The following BBS9 variants were observed in gnomAD, a reference collection of about 807,000 sequenced individuals.
BBS9 encodes protein PTHB1.
In BBS9, 89 loss-of-function variants were observed where a neutral mutation model predicts 117.7. That is an observed-to-expected ratio of 0.76 (90% CI 0.64 to 0.90). The LOEUF is 0.90. BBS9 is among the 40% of genes least tolerant of loss of function. The pLI is 0.00. For synonymous variants in BBS9, 379 were observed against 370.9 expected (o/e 1.02, Z -0.25); for missense variants, 982 against 1,042.2 (o/e 0.94, Z 0.80).
intron 1 of BBS9, among the ~76,000 whole-genome samples, chr7:33,146,025 G>A (rs1227162004): frequency 6.6e-6 from 1 of 152,212 alleles, no homozygotes; most frequent in African/African-American, 2.4e-5. Context: ...CAACATAAAT[G>A]TATAATTTCT....
At chr7:33,200,262 A>G (rs905537330) in intron 5 of BBS9, among the ~76,000 whole-genome samples, 1 of 152,062 alleles carries the variant, frequency 6.6e-6, no homozygotes, top group African/African-American at 2.4e-5. Flanking sequence ...TTGATTCTAC[A>G]TTTTATAAAA....
At chr7:33,501,677 G>A (rs963169266) in intron 19 of BBS9, among the ~76,000 whole-genome samples, 13 of 152,176 alleles carry the variant, frequency 8.5e-5, no homozygotes, top group African/African-American at 3.1e-4. Context: ...TGAGGAACGT[G>A]TGTAAAAGCA....
chr7:33,151,850 CTTTTTTTTTTTTTTT>C (rs11346140), intron 2 of BBS9, among the ~76,000 whole-genome samples: 1 of 82,352 alleles, frequency 1.2e-5, no homozygotes, highest in Non-Finnish European at 2.3e-5. Context: ...TGCACCCAGC[CTTTTTTTTTTTTTTT>C]TTTTTTTTCA....
At chr7:33,137,451 C>G (rs1469901637) in intron 1 of BBS9, among the ~76,000 whole-genome samples, 5 of 152,206 alleles carry the variant, frequency 3.3e-5, no homozygotes, top group Non-Finnish European at 7.3e-5. Flanking sequence ...GTTCCCAGCC[C>G]CCACTGGCTC....
At chr7:33,337,860 T>C (rs11982012) in intron 10 of BBS9, among the ~76,000 whole-genome samples, 40,530 of 152,058 alleles carry the variant, frequency 0.27, 5,637 homozygotes, top group Non-Finnish European at 0.3. Flanking sequence ...CAGAGTTCAT[T>C]AAATAATATG....
At chr7:33,364,539 A>G (rs1225024879) in intron 16 of BBS9, among the ~76,000 whole-genome samples, 2 of 151,428 alleles carry the variant, frequency 1.3e-5, no homozygotes, top group Non-Finnish European at 2.9e-5. Flanking sequence ...TGTATTTTCT[A>G]ATAATCTGAC....
At chr7:33,407,231 C>T (rs1425835106) in intron 19 of BBS9, among the ~76,000 whole-genome samples, 1 of 152,192 alleles carries the variant, frequency 6.6e-6, no homozygotes, top group Non-Finnish European at 1.5e-5. Flanking sequence ...TGCATTGGCT[C>T]CTGAGGCTTC....
chr7:33,589,689 G>GTGAAGGA (rs2129175863), intron 21 of BBS9, among the ~76,000 whole-genome samples: 1 of 152,146 alleles, frequency 6.6e-6, no homozygotes, highest in Non-Finnish European at 1.5e-5. Context: ...GGAAAGGTTT[G>GTGAAGGA]TGAAGGATAA....
At chr7:33,410,155 T>A (rs1830850595) in intron 19 of BBS9, among the ~76,000 whole-genome samples, 1 of 152,314 alleles carries the variant, frequency 6.6e-6, no homozygotes, top group East Asian at 1.9e-4. Context: ...ATTGAAATAA[T>A]TCATGACTGT....
intron 19 of BBS9, among the ~76,000 whole-genome samples, chr7:33,484,841 T>G (rs879511140): frequency 1.4e-4 from 22 of 152,150 alleles, no homozygotes; most frequent in Non-Finnish European, 2.9e-4. Flanking sequence ...GATACAAGCA[T>G]ACATATATTC....
In BBS9 at chr7:33,298,131, A is replaced by G. The variant is rs186230535; in HGVS notation, c.1016+24175A>G. Among the ~76,000 whole-genome samples the G allele has an allele frequency of 1.5e-4, 23 of 151,730 alleles. 1 individual carries two copies. The highest frequency in any genetic ancestry group is 4.8e-4 in the African/African-American group (20 of 41,358). ...AATGTCATGGTTCAGGAATATTTTC[A>G]TTTTTTTTCATTTTAATTTTTTTTT... On this transcript the variant is annotated intron_variant, in intron 9 of 22. Transcript: ENST00000242067.
intron 20 of BBS9, among the ~76,000 whole-genome samples, chr7:33,518,097 T>C (rs1175751774): frequency 2.6e-5 from 4 of 152,156 alleles, no homozygotes; most frequent in Non-Finnish European, 4.4e-5. Context: ...CTTTCTGTCA[T>C]GAATAACTTT....
intron 21 of BBS9, among the ~76,000 whole-genome samples, chr7:33,579,208 C>T (rs1278616699): frequency 6.6e-6 from 1 of 152,186 alleles, no homozygotes; most frequent in Non-Finnish European, 1.5e-5. Context: ...ATTCATCCTG[C>T]CCTTCAGGGG....
At chr7:33,545,580 G>A (rs772358960) in intron 21 of BBS9, among the ~76,000 whole-genome samples, 2 of 152,058 alleles carry the variant, frequency 1.3e-5, no homozygotes, top group Non-Finnish European at 2.9e-5. Context: ...GCTTCCTTGA[G>A]GGAGTCTGTG....
At chr7:33,357,834 C>T in intron 15 of BBS9, 21 bp from the exon 16 acceptor site, 1 of 1,606,558 alleles carries the variant, frequency 6.2e-7, no homozygotes, top group Non-Finnish European at 8.5e-7. Context: ...TATGAATCTA[C>T]ATATCTCTCT....
chr7:33,357,427 T>C (rs1193557372), intron 15 of BBS9, among the ~76,000 whole-genome samples: 1 of 151,754 alleles, frequency 6.6e-6, no homozygotes, highest in Non-Finnish European at 1.5e-5. Flanking sequence ...GAGAAATTTT[T>C]AGATATGGTA....
intron 4 of BBS9, among the ~76,000 whole-genome samples, chr7:33,158,965 G>A (rs1361753983): frequency 6.6e-6 from 1 of 152,156 alleles, no homozygotes; most frequent in Non-Finnish European, 1.5e-5. Context: ...AAAATAGAAT[G>A]AGGTACAGAA....
At chr7:33,383,932 C>T in intron 18 of BBS9, 94 bp downstream of exon 18, 1 of 1,269,846 alleles carries the variant, frequency 7.9e-7, no homozygotes, top group Non-Finnish European at 1.1e-6. Context: ...TGCCATTAGG[C>T]TATGTGCTTC....
chr7:33,202,259 C>T (rs1019024744), intron 5 of BBS9, among the ~76,000 whole-genome samples: 1 of 152,138 alleles, frequency 6.6e-6, no homozygotes, highest in Non-Finnish European at 1.5e-5. Context: ...GGATTATTAT[C>T]ATTCTAGTAT....
Sources: allele counts gnomAD v4.1 joint callset (sites outside exome capture counted in the v4.1 genomes callset), GRCh38; gene constraint gnomAD v4.1.1; transcripts MANE v1.5; gene names NCBI Gene and HGNC (gene_info 2026-07-23, HGNC 2026-07-21).